CDC42SE2: variants seen among roughly 807,000 people sequenced by gnomAD.
The protein encoded by CDC42SE2 is CDC42 small effector 2.
In CDC42SE2, 3 loss-of-function variants were observed where a neutral mutation model predicts 11.5. The observed-to-expected ratio is 0.26, with a 90% confidence interval of 0.12 to 0.67. The LOEUF (loss-of-function observed/expected upper bound fraction) is 0.67. Among genes scored for constraint, CDC42SE2 ranks in the 30% least tolerant of loss-of-function variants. The probability of loss-of-function intolerance (pLI) is 0.80; values close to 1 mark genes in which losing one functional copy is unlikely to be tolerated. For synonymous variants in CDC42SE2, 33 were observed against 34.8 expected, an observed-to-expected ratio of 0.95 and a Z score of 0.18; for missense variants, 82 against 106.8, an observed-to-expected ratio of 0.77 and a Z score of 1.02.
chr5:131,345,040 T>G (rs1561592467), intron 2 of CDC42SE2, among the ~76,000 whole-genome samples: 1 of 152,018 alleles, frequency 6.6e-6, no homozygotes, highest in East Asian at 1.9e-4. Flanking sequence ...ACCACAAATA[T>G]GGGGAGAAAC....
At chr5:131,268,450 ACTTTT>A (rs1369977831) in intron 1 of CDC42SE2, among the ~76,000 whole-genome samples, 2 of 109,286 alleles carry the variant, frequency 1.8e-5, no homozygotes, top group Admixed American at 2.0e-4. Context: ...TTGGAATTTA[ACTTTT>A]CTTTTTTTTT....
chr5:131,373,069 C>T (rs1750055172), intron 3 of CDC42SE2, among the ~76,000 whole-genome samples: 1 of 152,076 alleles, frequency 6.6e-6, no homozygotes. Flanking sequence ...AAGAGCTGGT[C>T]TCTTACCAGC....
intron 4 of CDC42SE2, among the ~76,000 whole-genome samples, chr5:131,389,587 T>C (rs1207130091): frequency 2.6e-5 from 4 of 152,232 alleles, no homozygotes; most frequent in African/African-American, 9.6e-5. Context: ...ACAGTATATA[T>C]TGAAACCTGA....
chr5:131,346,265 G>A (rs939565652), intron 2 of CDC42SE2, among the ~76,000 whole-genome samples: 2 of 152,124 alleles, frequency 1.3e-5, no homozygotes, highest in African/African-American at 4.8e-5. Flanking sequence ...CCCATCTCAA[G>A]TGCAGAGACA....
At chr5:131,345,368 A>G (rs1414196345) in intron 2 of CDC42SE2, among the ~76,000 whole-genome samples, 1 of 152,164 alleles carries the variant, frequency 6.6e-6, no homozygotes, top group African/African-American at 2.4e-5. Context: ...CACAAGCTTC[A>G]GTAGCTGATT....
At chr5:131,250,779 T>A (rs1057175266) in intron 1 of CDC42SE2, among the ~76,000 whole-genome samples, 1 of 152,174 alleles carries the variant, frequency 6.6e-6, no homozygotes, top group Non-Finnish European at 1.5e-5. Flanking sequence ...GGTGGCTCTA[T>A]CTGTAATCTC....
intron 2 of CDC42SE2, among the ~76,000 whole-genome samples, chr5:131,346,478 T>C (rs1443414548): frequency 6.6e-6 from 1 of 152,198 alleles, no homozygotes; most frequent in Non-Finnish European, 1.5e-5. Context: ...GTGCATCTAA[T>C]ACAGGAGTAC....
At chr5:131,349,101 C>T in intron 2 of CDC42SE2, among the ~76,000 whole-genome samples, 1 of 152,116 alleles carries the variant, frequency 6.6e-6, no homozygotes, top group Non-Finnish European at 1.5e-5. Context: ...ATGACTAAAA[C>T]ACCAAAAGCA....
At chr5:131,327,537 A>G (rs542336438) in intron 2 of CDC42SE2, among the ~76,000 whole-genome samples, 1 of 152,332 alleles carries the variant, frequency 6.6e-6, no homozygotes, top group Non-Finnish European at 1.5e-5. Flanking sequence ...TTGTCTTAAC[A>G]TCATATTGGA....
upstream of CDC42SE2, among the ~76,000 whole-genome samples, chr5:131,241,913 A>G (rs1343465771): frequency 2.6e-5 from 4 of 152,146 alleles, no homozygotes; most frequent in Non-Finnish European, 4.4e-5. Context: ...AATCTTCTAT[A>G]TAATAGATTA....
the CDC42SE2 span, among the ~76,000 whole-genome samples, chr5:131,239,116 C>T: frequency 6.6e-6 from 1 of 151,340 alleles, no homozygotes; most frequent in African/African-American, 2.4e-5. Context: ...GCCGAGATTG[C>T]ACCACTGCAC....
chr5:131,246,858 C>T (rs1756598049), intron 1 of CDC42SE2, among the ~76,000 whole-genome samples: 1 of 151,342 alleles, frequency 6.6e-6, no homozygotes, highest in African/African-American at 2.4e-5. Flanking sequence ...ATTCTCCTAC[C>T]TCAGCCTCCT....
chr5:131,346,047 C>T (rs1021787305), intron 2 of CDC42SE2, among the ~76,000 whole-genome samples: 1 of 152,202 alleles, frequency 6.6e-6, no homozygotes, highest in Non-Finnish European at 1.5e-5. Context: ...ACTGCAAAAA[C>T]ATGCCAAATT....
At chr5:131,351,687 A>G (rs1561595652) in intron 2 of CDC42SE2, among the ~76,000 whole-genome samples, 1 of 152,252 alleles carries the variant, frequency 6.6e-6, no homozygotes, top group East Asian at 1.9e-4. Context: ...CTAAAATTTA[A>G]TTAAAAACAG....
chr5:131,278,829 GGCTAGAGT>G (rs1281078650), intron 1 of CDC42SE2, among the ~76,000 whole-genome samples: 1 of 117,602 alleles, frequency 8.5e-6, no homozygotes, highest in African/African-American at 3.4e-5. Flanking sequence ...TTGTTGCCCA[GGCTAGAGT>G]GCAGTGGCTT....
chr5:131,316,895 A>G (rs938594943), intron 2 of CDC42SE2, among the ~76,000 whole-genome samples: 2 of 152,080 alleles, frequency 1.3e-5, no homozygotes, highest in African/African-American at 4.8e-5. Context: ...TTTTTTGATT[A>G]CTCAAAGCCA....
intron 1 of CDC42SE2, among the ~76,000 whole-genome samples, chr5:131,253,323 C>G: frequency 6.6e-6 from 1 of 152,216 alleles, no homozygotes; most frequent in East Asian, 1.9e-4. Context: ...TTGTCTTCCA[C>G]CATTCTTCAT....
chr5:131,310,410 A>G (rs950106921), intron 1 of CDC42SE2, among the ~76,000 whole-genome samples: 70 of 151,824 alleles, frequency 4.6e-4, no homozygotes, highest in Non-Finnish European at 6.8e-4. Flanking sequence ...GTGCTGAAAA[A>G]AATGTATATT....
At chr5:131,330,069 A>G (rs777044477) in intron 2 of CDC42SE2, among the ~76,000 whole-genome samples, 1 of 152,100 alleles carries the variant, frequency 6.6e-6, no homozygotes, top group Non-Finnish European at 1.5e-5. Context: ...ATGTAGCATC[A>G]TCAGCTAATG....
Sources: allele counts gnomAD v4.1 joint callset (sites outside exome capture counted in the v4.1 genomes callset), GRCh38; gene constraint gnomAD v4.1.1; transcripts MANE v1.5; gene names NCBI Gene and HGNC (gene_info 2026-07-23, HGNC 2026-07-21).